TYW1: variants seen among roughly 807,000 people sequenced by gnomAD.
The protein encoded by TYW1 is tRNA-yW synthesizing protein 1 homolog, also known as S-adenosyl-L-methionine-dependent tRNA 4-demethylwyosine synthase TYW1.
In TYW1, 46 loss-of-function variants were observed where a neutral mutation model predicts 96.2. That is an observed-to-expected ratio of 0.48 (90% CI 0.38 to 0.61). TYW1 has a LOEUF of 0.61. Ranked by LOEUF, TYW1 falls within the 20% of genes least tolerant of loss-of-function variation. The pLI is 0.00. For synonymous variants in TYW1, 274 were observed against 323.0 expected (o/e 0.85, Z 1.63); for missense variants, 684 against 909.6 (o/e 0.75, Z 3.19).
intron 15 of TYW1, among the ~76,000 whole-genome samples, chr7:67,216,867 A>T (rs1440277167): frequency 6.6e-6 from 1 of 151,718 alleles, no homozygotes; most frequent in African/African-American, 2.4e-5. Flanking sequence ...TTAATCTGTC[A>T]TATGAATATT....
intron 12 of TYW1, among the ~76,000 whole-genome samples, chr7:67,105,260 A>G (rs35850806): frequency 0.042 from 6,402 of 152,310 alleles, 181 homozygotes; most frequent in Middle Eastern, 0.1. Context: ...GGCCACATTT[A>G]CAGTCTACAT....
chr7:67,086,218 G>A (rs558740299), intron 11 of TYW1, among the ~76,000 whole-genome samples: 4 of 152,076 alleles, frequency 2.6e-5, no homozygotes, highest in Non-Finnish European at 5.9e-5. Context: ...CCAGTGTTTT[G>A]GAAAATTAAA....
rs144813854 is a variant in TYW1, at chr7:67,162,239, G to A, written c.1699-20887G>A. ...TGAGGCAGGAGAATGGCGTGAACCC[G>A]GGAGGCAGAGCTTGCACTGAGCCAA... On this transcript the variant is annotated intron_variant, in intron 13 of 15. Transcript: ENST00000359626. Among the ~76,000 whole-genome samples, 630 of 151,438 alleles carry A rather than the reference G, an allele frequency of 4.2e-3. 3 individuals are homozygous for A. Among genetic ancestry groups the A allele is most frequent in the African/African-American group, 0.015 (601 of 41,286 alleles).
intron 13 of TYW1, among the ~76,000 whole-genome samples, chr7:67,166,013 G>T (rs1486777653): frequency 6.6e-6 from 1 of 152,136 alleles, no homozygotes; most frequent in South Asian, 2.1e-4. Flanking sequence ...GCCAAGGTGG[G>T]TGGATCACTT....
At chr7:67,190,960 A>G (rs188904678) in intron 14 of TYW1, among the ~76,000 whole-genome samples, 47 of 140,380 alleles carry the variant, frequency 3.3e-4, no homozygotes, top group Non-Finnish European at 1.5e-4. Context: ...CCAGTGAGGA[A>G]GACTTTATGG....
chr7:67,223,324 A>C (rs1313327698), intron 15 of TYW1, among the ~76,000 whole-genome samples: 2 of 151,956 alleles, frequency 1.3e-5, no homozygotes, highest in Non-Finnish European at 2.9e-5. Context: ...TTTGCCTCTC[A>C]GTGTTTTCTG....
intron 13 of TYW1, among the ~76,000 whole-genome samples, chr7:67,167,700 C>T (rs980371357): frequency 1.3e-5 from 2 of 151,588 alleles, no homozygotes; most frequent in Non-Finnish European, 2.9e-5. Flanking sequence ...TCAGTTTTGT[C>T]ATAAATTAAG....
At chr7:67,060,526 C>T (rs11761516) in intron 9 of TYW1, among the ~76,000 whole-genome samples, 36,933 of 152,246 alleles carry the variant, frequency 0.24, 4,764 homozygotes, top group African/African-American at 0.32. Flanking sequence ...TGCTGTAACC[C>T]TATGAGCTGT....
At chr7:67,100,087 A>G (rs1189335365) in intron 12 of TYW1, among the ~76,000 whole-genome samples, 2 of 151,892 alleles carry the variant, frequency 1.3e-5, no homozygotes, top group Non-Finnish European at 2.9e-5. Flanking sequence ...GGAGAAGAGG[A>G]CTAGGTAATT....
intron 6 of TYW1, among the ~76,000 whole-genome samples, chr7:67,022,490 A>G (rs979859153): frequency 2.6e-5 from 4 of 152,242 alleles, no homozygotes; most frequent in Admixed American, 2.0e-4. Flanking sequence ...AGGTAGGAGC[A>G]TAGGGCACAT....
At position 67,201,565 on chromosome 7, in the gene TYW1, G is replaced by A. The variant is rs540923041; in HGVS notation, c.1977+6228G>A. ...TGATTGTGATGGTGTCGTCCATGGA[G>A]ATGATGTTACTTGCATATTTATTTT... On this transcript the variant is annotated intron_variant, in intron 15 of 15. Coordinates refer to ENST00000359626, the MANE Select transcript of TYW1 (RefSeq NM_018264.4). 2.9e-4 allele frequency among the ~76,000 whole-genome samples: 44 copies of A among 151,364 alleles called. 1 individual carries two copies. In the East Asian group the frequency reaches 8.3e-3, roughly 29 times the overall value.
intron 13 of TYW1, among the ~76,000 whole-genome samples, chr7:67,138,639 C>G (rs1584608695): frequency 6.6e-6 from 1 of 152,166 alleles, no homozygotes; most frequent in East Asian, 1.9e-4. Context: ...CTACCCTTCC[C>G]AGCCTCTGGT....
chr7:67,192,247 A>G (rs1465175492), intron 14 of TYW1, among the ~76,000 whole-genome samples: 3 of 152,218 alleles, frequency 2.0e-5, no homozygotes, highest in Non-Finnish European at 4.4e-5. Flanking sequence ...TGAAAATACC[A>G]TAAAGCATCA....
intron 10 of TYW1, among the ~76,000 whole-genome samples, chr7:67,075,905 A>G (rs1301037188): frequency 1.3e-5 from 2 of 152,264 alleles, no homozygotes; most frequent in Admixed American, 1.3e-4. Flanking sequence ...AGCAAAATTT[A>G]TTCAAAGACC....
intron 9 of TYW1, 92 bp from the exon 10 acceptor site, chr7:67,067,193 A>C (rs931806152): frequency 1.4e-6 from 2 of 1,393,846 alleles, no homozygotes; most frequent in African/African-American, 2.8e-5. Flanking sequence ...ATGGTTACGA[A>C]ACACATGGTT....
intron 6 of TYW1, among the ~76,000 whole-genome samples, chr7:67,020,923 G>A (rs1244907388): frequency 6.6e-6 from 1 of 152,276 alleles, no homozygotes; most frequent in East Asian, 1.9e-4. Flanking sequence ...AGCTACTCGG[G>A]AGGCTGAAGC....
chr7:67,093,008 TA>T (rs892104448), intron 11 of TYW1, among the ~76,000 whole-genome samples: 6 of 151,186 alleles, frequency 4.0e-5, no homozygotes, highest in Non-Finnish European at 7.4e-5. Flanking sequence ...ACCAAAAATT[TA>T]AAAAAAAATT....
At chr7:67,034,197 G>A (rs1425015452) in intron 7 of TYW1, among the ~76,000 whole-genome samples, 2 of 151,162 alleles carry the variant, frequency 1.3e-5, no homozygotes, top group Non-Finnish European at 2.9e-5. Flanking sequence ...TCCTCCTTCT[G>A]GGTTCAAGCA....
At chr7:67,073,720 G>C (rs1277067541) in intron 10 of TYW1, among the ~76,000 whole-genome samples, 1 of 128,586 alleles carries the variant, frequency 7.8e-6, no homozygotes, top group African/African-American at 3.1e-5. Context: ...GTTGCAGTGA[G>C]CTATCATGCC....
Sources: gnomAD v4.1 joint callset for allele counts (sites outside exome capture counted in the v4.1 genomes callset) on GRCh38, gnomAD v4.1.1 for gene constraint, MANE v1.5 for transcripts, NCBI Gene and HGNC (gene_info 2026-07-23, HGNC 2026-07-21) for gene names.